PM20D2: variants seen among roughly 807,000 people sequenced by gnomAD.
The protein encoded by PM20D2 is peptidase M20 domain containing 2, also known as xaa-Arg dipeptidase.
A neutral mutation model predicts 42.9 loss-of-function variants in PM20D2; 33 were observed. The observed-to-expected ratio is 0.77, with a 90% confidence interval of 0.58 to 1.03. The LOEUF (loss-of-function observed/expected upper bound fraction) is 1.03, where lower values mean the gene tolerates loss of function less well. Among genes scored for constraint, PM20D2 ranks in the 50% least tolerant of loss-of-function variants. The pLI, the probability that PM20D2 is intolerant of heterozygous loss-of-function variation, is 0.00. For synonymous variants in PM20D2, 250 were observed against 228.2 expected (o/e 1.10, Z -0.86); for missense variants, 548 against 557.0 (o/e 0.98, Z 0.16).
At chr6:89,128,094 T>TA in the PM20D2 span, among the ~76,000 whole-genome samples, 1 of 152,202 alleles carries the variant, frequency 6.6e-6, no homozygotes, top group Non-Finnish European at 1.5e-5. Flanking sequence ...CAAGAGAAGA[T>TA]AACCATAAGG....
At chr6:89,106,181 C>T in the PM20D2 span, among the ~76,000 whole-genome samples, 1 of 152,194 alleles carries the variant, frequency 6.6e-6, no homozygotes, top group East Asian at 1.9e-4. Flanking sequence ...AGTGCAATGG[C>T]GCGATCTCAG....
the PM20D2 span, among the ~76,000 whole-genome samples, chr6:89,104,649 G>A: frequency 6.6e-6 from 1 of 151,896 alleles, no homozygotes; most frequent in Non-Finnish European, 1.5e-5. Flanking sequence ...ATAAACCCAA[G>A]TTAAATAACA....
At chr6:89,151,066 G>A (rs1770816500) in intron 2 of PM20D2, among the ~76,000 whole-genome samples, 1 of 149,560 alleles carries the variant, frequency 6.7e-6, no homozygotes, top group African/African-American at 2.5e-5. Flanking sequence ...CAGGAGAATT[G>A]CATGAACCTG....
the PM20D2 span, chr6:89,117,968 G>A: frequency 8.3e-6 from 12 of 1,442,608 alleles, no homozygotes; most frequent in East Asian, 3.3e-4. Context: ...TACCACCACA[G>A]GAGCTCCGCC....
chr6:89,142,818 C>T (rs1366401028), upstream of PM20D2, among the ~76,000 whole-genome samples: 3 of 152,120 alleles, frequency 2.0e-5, no homozygotes, highest in South Asian at 2.1e-4. Flanking sequence ...CCACCACGCC[C>T]GGCTAATTTT....
At chr6:89,098,172 T>C in the PM20D2 span, 1 of 155,026 alleles carries the variant, frequency 6.5e-6, no homozygotes, top group Non-Finnish European at 1.4e-5. Flanking sequence ...AGCTTAAGTC[T>C]GCTCTATGCA....
At chr6:89,119,737 G>A in the PM20D2 span, among the ~76,000 whole-genome samples, 1 of 152,212 alleles carries the variant, frequency 6.6e-6, no homozygotes, top group South Asian at 2.1e-4. Context: ...CCCCACACAT[G>A]TTTTGGCTGT....
chr6:89,109,214 C>A, the PM20D2 span, among the ~76,000 whole-genome samples: 1 of 152,062 alleles, frequency 6.6e-6, no homozygotes, highest in South Asian at 2.1e-4. Context: ...AATTCTGGAC[C>A]TAATTAGTGT....
Position 89,164,496 on chromosome 6 carries a change from T to G in PM20D2, c.*2233T>G, listed in dbSNP as rs997359466. On this transcript the variant is annotated 3_prime_UTR_variant, in exon 7 of 7. Transcript: ENST00000275072. ...TAACAGAAGAGTGACAACCAATAGT[T>G]TTTTGATCATTAAATCAAATTTTGT... is the stretch of plus-strand genomic sequence containing the variant. 8 of 152,626 alleles carry G rather than the reference T, an allele frequency of 5.2e-5. No individual in the cohort carries two copies. The highest frequency in any genetic ancestry group is 1.0e-4 in the Non-Finnish European group (7 of 68,032). 9.5% of individuals were successfully genotyped at this position (152,626 alleles called of 1,614,324 possible).
At chr6:89,162,011 G>A in intron 6 of PM20D2, 98 bp from the exon 7 acceptor site, 1 of 1,493,698 alleles carries the variant, frequency 6.7e-7, no homozygotes, top group Non-Finnish European at 9.2e-7. Flanking sequence ...GCACTGTGGT[G>A]GGCAGTTGGA....
rs906433851 is a variant in PM20D2 at position 89,162,516 on chromosome 6, C to T, written c.*253C>T. The T allele has an allele frequency of 6.6e-6, 2 of 304,448 alleles. No individual in the cohort carries two copies. Among genetic ancestry groups the T allele is most frequent in the Non-Finnish European group, 1.2e-5 (2 of 164,996 alleles). The allele number at this position is 304,448 out of a possible 1,614,324, so 18.9% of individuals were successfully genotyped here. A position where few individuals can be genotyped will look rare whatever the true frequency, so the allele number is the denominator to read the frequency against. ...TGCCATTCTTTCTTTTTTTTTACCCCGCAACCACTCACCTTCACAGTAGTG... is the reference window on the plus strand; with the variant it reads ...TGCCATTCTTTCTTTTTTTTTACCCTGCAACCACTCACCTTCACAGTAGTG... On this transcript the variant is annotated 3_prime_UTR_variant, in exon 7 of 7. Coordinates refer to ENST00000275072, the MANE Select transcript of PM20D2 (RefSeq NM_001010853.3).
intron 1 of PM20D2, among the ~76,000 whole-genome samples, chr6:89,146,856 T>C (rs1013633550): frequency 6.6e-6 from 1 of 152,254 alleles, no homozygotes; most frequent in African/African-American, 2.4e-5. Context: ...TCTCTAGTTA[T>C]AAACAGCTCT....
At chr6:89,126,816 T>G in the PM20D2 span, among the ~76,000 whole-genome samples, 1 of 152,194 alleles carries the variant, frequency 6.6e-6, no homozygotes, top group African/African-American at 2.4e-5. Flanking sequence ...AATGACTTTT[T>G]GGAAGTGTGG....
At chr6:89,117,781 G>A in the PM20D2 span, 16 of 1,519,376 alleles carry the variant, frequency 1.1e-5, no homozygotes, top group Middle Eastern at 1.9e-4. Flanking sequence ...CTGTTACCCC[G>A]CCCCTCCTCC....
At chr6:89,099,504 G>GTA in the PM20D2 span, among the ~76,000 whole-genome samples, 270 of 74,192 alleles carry the variant, frequency 3.6e-3, 3 homozygotes, top group African/African-American at 0.02. Flanking sequence ...ATATATGTGT[G>GTA]TATATATATA....
Position 89,161,895 on chromosome 6 carries a change from G to A in PM20D2, c.1156+5G>A, listed in dbSNP as rs1442404727. The A allele has an allele frequency of 1.0e-5, 16 of 1,600,680 alleles. No homozygotes were observed. Among genetic ancestry groups the A allele is most frequent in the Non-Finnish European group, 1.1e-5 (13 of 1,167,908 alleles). ...AACAGTACACTGAAGCTGCTGGTAA[G>A]TGTTGTTGGATGTGACTGTTTTGGC... On this transcript the variant is annotated splice_donor_5th_base_variant and intron_variant, in intron 6 of 6. Transcript: ENST00000275072.
the PM20D2 span, among the ~76,000 whole-genome samples, chr6:89,136,846 G>C: frequency 4.7e-4 from 71 of 151,084 alleles, 1 homozygote; most frequent in Non-Finnish European, 5.7e-4. Context: ...ATAGCAAAGG[G>C]ATGTCAGACA....
chr6:89,150,148 C>T (rs1270191913), intron 2 of PM20D2, among the ~76,000 whole-genome samples: 1 of 152,138 alleles, frequency 6.6e-6, no homozygotes, highest in African/African-American at 2.4e-5. Context: ...ATAGCAGAAC[C>T]ATCACAGCAG....
At chr6:89,120,442 T>C in the PM20D2 span, among the ~76,000 whole-genome samples, 3 of 152,160 alleles carry the variant, frequency 2.0e-5, no homozygotes, top group East Asian at 5.8e-4. Context: ...ACATTGACTT[T>C]GCAAATAAAA....
Sources: allele counts gnomAD v4.1 joint callset (sites outside exome capture counted in the v4.1 genomes callset), GRCh38; gene constraint gnomAD v4.1.1; transcripts MANE v1.5; gene names NCBI Gene and HGNC (gene_info 2026-07-23, HGNC 2026-07-21).